The following MTUS1 variants were observed in gnomAD, a reference collection of about 807,000 sequenced individuals.
The protein encoded by MTUS1 is microtubule associated scaffold protein 1, also known as microtubule-associated tumor suppressor 1.
In MTUS1, 109 loss-of-function variants were observed where a neutral mutation model predicts 120.8. The observed-to-expected ratio is 0.90, with a 90% CI of 0.77 to 1.06. The LOEUF is 1.06. Ranked by LOEUF, MTUS1 falls within the 50% of genes least tolerant of loss-of-function variation. The pLI is 0.00. For synonymous variants in MTUS1, 737 were observed against 550.5 expected, an observed-to-expected ratio of 1.34 and a Z score of -4.74; for missense variants, 2,210 against 1,486.3, an observed-to-expected ratio of 1.49 and a Z score of -8.01.
intron 7 of MTUS1, among the ~76,000 whole-genome samples, chr8:17,682,261 A>C (rs1188213542): frequency 6.6e-6 from 1 of 152,200 alleles, no homozygotes; most frequent in African/African-American, 2.4e-5. Context: ...CACGCCTGTA[A>C]TTGCAGCACT....
intron 1 of MTUS1, among the ~76,000 whole-genome samples, chr8:17,774,738 C>T (rs928943149): frequency 6.6e-6 from 1 of 151,934 alleles, no homozygotes; most frequent in Non-Finnish European, 1.5e-5. Flanking sequence ...CACTCTTATA[C>T]CCCCAAAAGC....
intron 1 of MTUS1, among the ~76,000 whole-genome samples, chr8:17,765,532 A>C (rs1270580555): frequency 1.3e-5 from 2 of 151,312 alleles, no homozygotes; most frequent in Non-Finnish European, 2.9e-5. Flanking sequence ...AGGCAGAAGA[A>C]TCACTTGAAC....
At chr8:17,766,115 T>C (rs149341454) in intron 1 of MTUS1, among the ~76,000 whole-genome samples, 1 of 152,326 alleles carries the variant, frequency 6.6e-6, no homozygotes, top group East Asian at 1.9e-4. Context: ...TGACACTGGG[T>C]GCCGATTTAG....
intron 6 of MTUS1, among the ~76,000 whole-genome samples, chr8:17,694,501 A>G (rs1817574762): frequency 6.6e-6 from 1 of 152,092 alleles, no homozygotes; most frequent in African/African-American, 2.4e-5. Context: ...CCCCATCTCT[A>G]TTAAAAATAC....
chr8:17,711,316 C>G (rs1821255055), intron 6 of MTUS1, among the ~76,000 whole-genome samples: 1 of 152,214 alleles, frequency 6.6e-6, no homozygotes, highest in African/African-American at 2.4e-5. Context: ...GTGTAGCCAC[C>G]TTTATCAAAT....
intron 1 of MTUS1, among the ~76,000 whole-genome samples, chr8:17,794,192 G>A (rs1379705061): frequency 6.6e-6 from 1 of 152,070 alleles, no homozygotes; most frequent in East Asian, 1.9e-4. Flanking sequence ...GACGGGCGTG[G>A]TGGTGCATGC....
intron 7 of MTUS1, among the ~76,000 whole-genome samples, chr8:17,680,338 T>A (rs1353841614): frequency 3.3e-5 from 5 of 151,630 alleles, no homozygotes; most frequent in African/African-American, 1.2e-4. Flanking sequence ...GTGGTGGGCA[T>A]CCGTAATCCC....
At chr8:17,757,055 T>G (rs1017567732) in intron 1 of MTUS1, among the ~76,000 whole-genome samples, 1 of 152,106 alleles carries the variant, frequency 6.6e-6, no homozygotes, top group African/African-American at 2.4e-5. Context: ...CTGAAGAAAA[T>G]GAAAACATAT....
chr8:17,650,611 G>A (rs1445482397), intron 12 of MTUS1, among the ~76,000 whole-genome samples: 1 of 152,186 alleles, frequency 6.6e-6, no homozygotes, highest in African/African-American at 2.4e-5. Flanking sequence ...TCAGGAGGCT[G>A]AGGCGGGAGG....
At chr8:17,669,487 G>A (rs1364609111) in intron 8 of MTUS1, among the ~76,000 whole-genome samples, 1 of 152,244 alleles carries the variant, frequency 6.6e-6, no homozygotes, top group East Asian at 1.9e-4. Flanking sequence ...ATCATAAATG[G>A]TGTGCTTAGT....
At chr8:17,671,749 A>T (rs540227152) in intron 8 of MTUS1, among the ~76,000 whole-genome samples, 1 of 152,210 alleles carries the variant, frequency 6.6e-6, no homozygotes, top group African/African-American at 2.4e-5. Flanking sequence ...CTCAACTTTC[A>T]TTGAGAAGGT....
Position 17,754,096 on chromosome 8 carries a change from A to G in MTUS1, c.1712T>C (p.Ile571Thr). The G allele has an allele frequency of 6.2e-7, 1 of 1,613,960 alleles. No individual in the cohort carries two copies. The highest frequency in any genetic ancestry group is 8.5e-7 in the Non-Finnish European group (1 of 1,180,002). Residue 571 changes from isoleucine to threonine, a missense_variant, in exon 2 of 15, where the codon ATT (isoleucine) becomes ACT (threonine). Coordinates refer to ENST00000693296, the MANE Select transcript of MTUS1 (RefSeq NM_001363059.2). ...LNADKKAEILINKTHKQQFNK... is the reference protein window; with the variant it reads ...LNADKKAEILTNKTHKQQFNK... ...AAACTGCTGCTTATGTGTCTTGTTA[A>G]TTAGAATTTCTGCTTTTTTGTCTGC...
chr8:17,744,822 C>T (rs926158281), intron 2 of MTUS1, among the ~76,000 whole-genome samples: 1 of 151,460 alleles, frequency 6.6e-6, no homozygotes, highest in Non-Finnish European at 1.5e-5. Flanking sequence ...GGATTACAGG[C>T]GTGAGCCAAT....
intron 3 of MTUS1, chr8:17,724,230 T>C: frequency 2.6e-6 from 1 of 380,310 alleles, no homozygotes. Context: ...AATAATCCAT[T>C]AGGACAATAG....
chr8:17,780,630 A>T (rs2050802743), intron 1 of MTUS1, among the ~76,000 whole-genome samples: 1 of 152,190 alleles, frequency 6.6e-6, no homozygotes. Flanking sequence ...TTCAAAAGCA[A>T]GCATTCCTCA....
At chr8:17,748,510 G>C (rs1264243190) in intron 2 of MTUS1, among the ~76,000 whole-genome samples, 1 of 152,176 alleles carries the variant, frequency 6.6e-6, no homozygotes, top group Non-Finnish European at 1.5e-5. Flanking sequence ...CACACAGTGA[G>C]GCAAAGGGCC....
chr8:17,787,130 G>A (rs1343555263), intron 1 of MTUS1, among the ~76,000 whole-genome samples: 1 of 152,094 alleles, frequency 6.6e-6, no homozygotes, highest in Non-Finnish European at 1.5e-5. Flanking sequence ...GCCAAGGAGG[G>A]GCCACCGCTC....
chr8:17,780,165 T>TAC (rs2050762921), intron 1 of MTUS1, among the ~76,000 whole-genome samples: 1 of 151,760 alleles, frequency 6.6e-6, no homozygotes, highest in Non-Finnish European at 1.5e-5. Context: ...ACACTTCCTA[T>TAC]GGCTTTGCCC....
intron 3 of MTUS1, among the ~76,000 whole-genome samples, chr8:17,728,749 T>C (rs919797126): frequency 6.7e-6 from 1 of 150,158 alleles, no homozygotes; most frequent in Non-Finnish European, 1.5e-5. Flanking sequence ...AGACCTTAAA[T>C]GTTAGGGATG....
Sources: allele counts gnomAD v4.1 joint callset (sites outside exome capture counted in the v4.1 genomes callset), GRCh38; gene constraint gnomAD v4.1.1; transcripts MANE v1.5; gene names NCBI Gene and HGNC (gene_info 2026-07-23, HGNC 2026-07-21).